The following AKR1B15 variants were observed in gnomAD, a reference collection of about 807,000 sequenced individuals.
AKR1B15 encodes the protein aldo-keto reductase family 1 member B15.
AKR1B15 carries 49 observed loss-of-function variants against 38.5 expected under a neutral mutation model. That is an observed-to-expected ratio of 1.27 (90% CI 1.01 to 1.62). AKR1B15 has a LOEUF of 1.62. Among genes scored for constraint, AKR1B15 ranks in the 40% most tolerant of loss-of-function variants. The pLI, the probability that AKR1B15 is intolerant of heterozygous loss-of-function variation, is 0.00. For synonymous variants in AKR1B15, 137 were observed against 135.5 expected (o/e 1.01, Z -0.08); for missense variants, 411 against 381.6 (o/e 1.08, Z -0.64).
At chr7:134,551,529 A>G (rs917177085) in intron 1 of AKR1B15, among the ~76,000 whole-genome samples, 20 of 152,204 alleles carry the variant, frequency 1.3e-4, no homozygotes, top group African/African-American at 4.6e-4. Flanking sequence ...GAGAAGCCAG[A>G]AAGTATTTCC....
Position 134,562,832 on chromosome 7 carries a change from C to CTCTTTCTTTCTCTTTCTTTCTT in AKR1B15, c.-22-1755_-22-1754insCTTTCTTTCTTTCTTTCTTTCT, listed in dbSNP as rs1794436824. ...CCTTCCTTTCTTCCTTCCTTCCTTT[C>CTCTTTCTTTCTCTTTCTTTCTT]TCTTTCTTTCTTTCTTTCTTTCTTT... On this transcript the variant is annotated intron_variant, in intron 2 of 11. Transcript: ENST00000457545. Among the ~76,000 whole-genome samples the CTCTTTCTTTCTCTTTCTTTCTT allele has an allele frequency of 5.7e-5, 7 of 122,694 alleles. No individual in the cohort carries two copies. In the South Asian group the frequency reaches 2.2e-3, roughly 38 times the overall value. The allele number at this position is 122,694 out of a possible 152,430, so 80.5% of individuals were successfully genotyped here. A position where few individuals can be genotyped will look rare whatever the true frequency, so the allele number is the denominator to read the frequency against.
chr7:134,574,739 A>G (rs371191438), intron 6 of AKR1B15, among the ~76,000 whole-genome samples: 1 of 152,256 alleles, frequency 6.6e-6, no homozygotes, highest in Non-Finnish European at 1.5e-5. Flanking sequence ...AAGGCTAAAA[A>G]TTATACAAAG....
rs1243893250 is a variant in AKR1B15, at chr7:134,562,883, TTTCTTTCC to T, written c.-22-1707_-22-1700del. 6.0e-4 allele frequency among the ~76,000 whole-genome samples: 73 copies of T among 121,196 alleles called. 1 individual carries two copies. Among genetic ancestry groups the T allele is most frequent in the African/African-American group, 1.9e-3 (60 of 31,114 alleles). The allele number at this position is 121,196 out of a possible 152,430, so 79.5% of individuals were successfully genotyped here. A position where few individuals can be genotyped will look rare whatever the true frequency, so the allele number is the denominator to read the frequency against. On this transcript the variant is annotated intron_variant, in intron 2 of 11. Transcript: ENST00000457545. ...CTTTCTTTCTTTCTTTCTTTCTTTC[TTTCTTTCC>T]TTCTTTCTTCCTTCCTTCTTTCCTT... is the stretch of plus-strand genomic sequence containing the variant.
intron 5 of AKR1B15, 35 bp downstream of exon 5, chr7:134,569,564 T>C: frequency 6.2e-7 from 1 of 1,610,188 alleles, no homozygotes; most frequent in African/African-American, 1.3e-5. Context: ...CTCTAGTTTC[T>C]GAGCTGTTGC....
chr7:134,576,501 G>T, intron 9 of AKR1B15, 71 bp downstream of exon 9: 3 of 1,548,330 alleles, frequency 1.9e-6, no homozygotes, highest in African/African-American at 1.4e-5. Context: ...TTCTCGTGTT[G>T]TCCTCAACTG....
intron 6 of AKR1B15, among the ~76,000 whole-genome samples, chr7:134,573,002 A>G (rs1348458833): frequency 6.6e-6 from 1 of 152,140 alleles, no homozygotes; most frequent in African/African-American, 2.4e-5. Context: ...TTTTCTGTGT[A>G]TTGTTTGTTC....
chr7:134,577,703 G>T lies in AKR1B15; in HGVS notation c.910-1G>T, dbSNP rs770896688. Reference sequence around the variant, plus strand: ...ATGTATTGGAATTCTTTCCTTTCTAGGTCTTTGACTTTAAATTGAGTGATG... The same window carrying T: ...ATGTATTGGAATTCTTTCCTTTCTATGTCTTTGACTTTAAATTGAGTGATG... On this transcript the variant is annotated splice_acceptor_variant, in intron 10 of 11. Coordinates refer to ENST00000457545, the MANE Select transcript of AKR1B15 (RefSeq NM_001080538.3). LOFTEE classifies it high-confidence loss of function. 1 of 1,613,634 alleles carries T rather than the reference G, an allele frequency of 6.2e-7. No individual in the cohort carries two copies. The highest frequency in any genetic ancestry group is 8.5e-7 in the Non-Finnish European group (1 of 1,179,836).
intron 2 of AKR1B15, among the ~76,000 whole-genome samples, chr7:134,562,879 TTTCTTTCTTTCC>T (rs1326068833): frequency 5.2e-4 from 66 of 125,802 alleles, no homozygotes; most frequent in African/African-American, 1.8e-3. Context: ...TCTTTCTTTC[TTTCTTTCTTTCC>T]TTCTTTCTTC....
chr7:134,576,350 G>A lies in AKR1B15; in HGVS notation c.745G>A (p.Ala249Thr). 1 of 1,614,030 alleles carries A rather than the reference G, an allele frequency of 6.2e-7. No homozygotes were observed. Among genetic ancestry groups the A allele is most frequent in the Non-Finnish European group, 8.5e-7 (1 of 1,179,952 alleles). ...ACATCAGCATCTTTCTGCCCCTAGG[G>A]CCAAACCTGAGGACCCTTCCCTGCT... ...SPLGSPDRPWAKPEDPSLLED... is the reference protein window; with the variant it reads ...SPLGSPDRPWTKPEDPSLLED... The change falls in exon 9 of 12, where the codon GCC (alanine) becomes ACC (threonine). Residue 249 changes from alanine (A) to threonine (T), a missense_variant and splice_region_variant. Around this residue, in one of 3 missense-constraint regions of AKR1B15, gnomAD observed 133 missense variants for 120.3 expected, o/e 1.11. Coordinates refer to ENST00000457545, the MANE Select transcript of AKR1B15 (RefSeq NM_001080538.3).
Position 134,576,926 on chromosome 7 carries a change from T to G in AKR1B15, c.826-37T>G, listed in dbSNP as rs370340853. On this transcript the variant is annotated intron_variant, in intron 9 of 11. Coordinates refer to ENST00000457545, the MANE Select transcript of AKR1B15 (RefSeq NM_001080538.3). ...CTTTCCATAAAAGGAGGGGTCCTTG[T>G]AGCTGAGTGGAAACATGATGTCCCC... The G allele has an allele frequency of 2.1e-3, 3,379 of 1,575,282 alleles. 3 individuals are homozygous for G. Among genetic ancestry groups the G allele is most frequent in the Non-Finnish European group, 2.6e-3 (2,951 of 1,144,976 alleles).
intron 2 of AKR1B15, among the ~76,000 whole-genome samples, chr7:134,557,862 G>T (rs1360490350): frequency 6.6e-6 from 1 of 152,186 alleles, no homozygotes; most frequent in African/African-American, 2.4e-5. Context: ...GTCTCAGACT[G>T]TGGCATTCTC....
chr7:134,564,816 G>GC, intron 3 of AKR1B15, 47 bp downstream of exon 3: 1 of 598,314 alleles, frequency 1.7e-6, no homozygotes, highest in Non-Finnish European at 3.0e-6. Context: ...AGCAGTTGTG[G>GC]TGTCCTGTTT....
At chr7:134,558,566 T>C (rs981528967) in intron 2 of AKR1B15, among the ~76,000 whole-genome samples, 4 of 152,056 alleles carry the variant, frequency 2.6e-5, no homozygotes, top group Non-Finnish European at 4.4e-5. Context: ...ACAGGAAGAG[T>C]AGAGTGGATG....
chr7:134,578,003 A>T (rs551568549), intron 11 of AKR1B15, among the ~76,000 whole-genome samples: 1 of 152,294 alleles, frequency 6.6e-6, no homozygotes, highest in Admixed American at 6.5e-5. Flanking sequence ...TAGAGCTAGA[A>T]TTGTAAGAGA....
chr7:134,578,889 A>G (rs1470260104), intron 11 of AKR1B15, among the ~76,000 whole-genome samples: 2 of 152,164 alleles, frequency 1.3e-5, no homozygotes, highest in Non-Finnish European at 2.9e-5. Flanking sequence ...CTCTCCCCCA[A>G]ACTAAAACAC....
Position 134,571,697 on chromosome 7 carries a change from G to A in AKR1B15, c.513+16G>A. The A allele has an allele frequency of 1.2e-6, 2 of 1,602,142 alleles. No individual in the cohort carries two copies. The highest frequency in any genetic ancestry group is 1.7e-6 in the Non-Finnish European group (2 of 1,170,492). On this transcript the variant is annotated intron_variant, in intron 6 of 11. Coordinates refer to ENST00000457545, the MANE Select transcript of AKR1B15 (RefSeq NM_001080538.3). ...TGCCTGGGAGGTAGGTTCCAGCTTTGTCTAAGTGTGCTGGGAGAGAAATCC... is the reference window on the plus strand; with the variant it reads ...TGCCTGGGAGGTAGGTTCCAGCTTTATCTAAGTGTGCTGGGAGAGAAATCC...
At chr7:134,555,716 C>T (rs901500043) in intron 1 of AKR1B15, among the ~76,000 whole-genome samples, 3 of 152,024 alleles carry the variant, frequency 2.0e-5, no homozygotes, top group Non-Finnish European at 2.9e-5. Context: ...TGCAATCTGC[C>T]GATCATGAGA....
intron 5 of AKR1B15, 181 bp downstream of exon 5, chr7:134,569,710 T>C (rs1794625727): frequency 6.8e-6 from 4 of 586,044 alleles, no homozygotes; most frequent in Non-Finnish European, 1.2e-5. Context: ...TTTACTGCAA[T>C]CTCTGAACAT....
intron 1 of AKR1B15, among the ~76,000 whole-genome samples, chr7:134,551,680 T>A (rs1409358460): frequency 6.6e-6 from 1 of 152,032 alleles, no homozygotes; most frequent in Non-Finnish European, 1.5e-5. Flanking sequence ...GTGGCTGCCA[T>A]CCAAGAAGCC....
Sources: allele counts gnomAD v4.1 joint callset (sites outside exome capture counted in the v4.1 genomes callset), GRCh38; gene constraint gnomAD v4.1.1; regional missense constraint gnomAD v4.1.1; transcripts MANE v1.5; gene names NCBI Gene and HGNC (gene_info 2026-07-23, HGNC 2026-07-21).